Variants in GFRA1 observed in about 807,000 individuals in gnomAD.
The protein encoded by GFRA1 is GDNF family receptor alpha-1.
In GFRA1, 16 loss-of-function variants were observed where a neutral mutation model predicts 51.6. The ratio of observed to expected loss-of-function variants is 0.31; its 90% CI spans 0.21 to 0.47. The LOEUF (loss-of-function observed/expected upper bound fraction) is 0.47, where lower values mean the gene tolerates loss of function less well. Ranked by LOEUF, GFRA1 falls within the 20% of genes least tolerant of loss-of-function variation. GFRA1 has a pLI of 1.00. For synonymous variants in GFRA1, 270 were observed against 241.3 expected (o/e 1.12, Z -1.10); for missense variants, 530 against 594.3 (o/e 0.89, Z 1.13).
rs924541616 is a variant in GFRA1, at chr10:116,089,826, A to C, written c.1112T>G (p.Leu371Arg). The change falls in exon 9 of 11, where the codon CTC (leucine) becomes CGC (arginine). Residue 371 changes from leucine to arginine, a missense_variant. Physicochemically the swap from Leu to Arg is moderately radical, Grantham distance 102. Transcript: ENST00000355422. The stretch of plus-strand genomic sequence containing the variant: ...CCCCAGGGGCTTGTTCTTAACCCGG[A>C]GGGCAGTGGTGGTAGTGGCAGTGGT... ...QTTTATTTTA[L>R]RVKNKPLGPA... 23 of 1,614,042 alleles carry C rather than the reference A, an allele frequency of 1.4e-5. No individual in the cohort carries two copies. In the East Asian group the frequency reaches 4.9e-4, roughly 34 times the overall value.
chr10:116,090,740 T>C (rs966654286), intron 8 of GFRA1, among the ~76,000 whole-genome samples: 1 of 152,008 alleles, frequency 6.6e-6, no homozygotes, highest in Non-Finnish European at 1.5e-5. Flanking sequence ...TTTTTTTTTA[T>C]TTCATATTCA....
intron 4 of GFRA1, among the ~76,000 whole-genome samples, chr10:116,219,027 C>T (rs1965752684): frequency 6.6e-6 from 1 of 152,000 alleles, no homozygotes; most frequent in Admixed American, 6.6e-5. Flanking sequence ...AAAAAAGCCT[C>T]AAAGAATCTT....
intron 8 of GFRA1, among the ~76,000 whole-genome samples, chr10:116,093,236 T>A (rs1020772319): frequency 1.3e-5 from 2 of 152,206 alleles, no homozygotes; most frequent in African/African-American, 2.4e-5. Context: ...ACATTCTAAT[T>A]TTTCTCAGAG....
intron 6 of GFRA1, among the ~76,000 whole-genome samples, chr10:116,115,145 G>A (rs1250397530): frequency 6.6e-6 from 1 of 152,136 alleles, no homozygotes; most frequent in Non-Finnish European, 1.5e-5. Context: ...ATAATTAATT[G>A]CCTTTGGAAA....
chr10:116,206,019 G>C (rs1457415659), intron 5 of GFRA1, among the ~76,000 whole-genome samples: 2 of 151,702 alleles, frequency 1.3e-5, no homozygotes, highest in Non-Finnish European at 2.9e-5. Flanking sequence ...GTTTGTGCCA[G>C]AAAGATGGAT....
At chr10:116,267,576 GA>G (rs1969763215) in intron 4 of GFRA1, among the ~76,000 whole-genome samples, 1 of 152,144 alleles carries the variant, frequency 6.6e-6, no homozygotes, top group African/African-American at 2.4e-5. Flanking sequence ...TGACCATGGA[GA>G]GGTTCATACC....
rs373952837 is a variant in GFRA1, at chr10:116,062,220, C to T, written c.*2178G>A. On this transcript the variant is annotated 3_prime_UTR_variant, in exon 11 of 11. Coordinates refer to ENST00000355422, the MANE Select transcript of GFRA1 (RefSeq NM_005264.8). ...CAGTGGATCACATAGAATCAGATCC[C>T]TATGAAATTAGTCCAGTGTAGATAC... 7.3e-5 allele frequency: 29 copies of T among 398,244 alleles called. No homozygotes were observed. In the South Asian group the frequency reaches 1.2e-3, roughly 16 times the overall value. The allele number at this position is 398,244 out of a possible 1,614,324, so 24.7% of individuals were successfully genotyped here. A position where few individuals can be genotyped will look rare whatever the true frequency, so the allele number is the denominator to read the frequency against.
intron 4 of GFRA1, among the ~76,000 whole-genome samples, chr10:116,252,854 G>C (rs934886688): frequency 6.6e-6 from 1 of 152,182 alleles, no homozygotes; most frequent in Non-Finnish European, 1.5e-5. Context: ...AGGAAACTGA[G>C]GCTTAAAGGT....
chr10:116,156,788 A>C (rs961128989), intron 5 of GFRA1, among the ~76,000 whole-genome samples: 8 of 152,028 alleles, frequency 5.3e-5, no homozygotes, highest in African/African-American at 1.9e-4. Flanking sequence ...ATTAGAGATG[A>C]TATTTCATTG....
chr10:116,191,902 CT>C (rs1173767116), intron 5 of GFRA1, among the ~76,000 whole-genome samples: 1 of 152,146 alleles, frequency 6.6e-6, no homozygotes, highest in Non-Finnish European at 1.5e-5. Flanking sequence ...TGGCAGCCAC[CT>C]GTAATCCCAG....
chr10:116,243,616 A>G (rs1252683807), intron 4 of GFRA1, among the ~76,000 whole-genome samples: 1 of 151,984 alleles, frequency 6.6e-6, no homozygotes, highest in African/African-American at 2.4e-5. Context: ...ATAAGGCAAT[A>G]ATTTTCAACC....
rs1412100088 is a variant in GFRA1 at position 116,118,242 on chromosome 10, C to T, written c.770+6979G>A. 3.3e-5 allele frequency among the ~76,000 whole-genome samples: 5 copies of T among 152,296 alleles called. No individual in the cohort carries two copies. In the South Asian group the frequency reaches 6.2e-4, roughly 19 times the overall value. On this transcript the variant is annotated intron_variant, in intron 6 of 10. Transcript: ENST00000355422. ...TGTTCTTGTGGGACTCTGCGCTCAT[C>T]GCTTCTCATGGGTCAACTGCAAGAG...
chr10:116,081,885 T>C (rs1273830138), intron 9 of GFRA1, among the ~76,000 whole-genome samples: 1 of 152,240 alleles, frequency 6.6e-6, no homozygotes, highest in Non-Finnish European at 1.5e-5. Flanking sequence ...ATTGAACTCA[T>C]GCTTTCACAT....
chr10:116,260,588 C>T (rs1409536671), intron 4 of GFRA1, among the ~76,000 whole-genome samples: 1 of 152,158 alleles, frequency 6.6e-6, no homozygotes, highest in South Asian at 2.1e-4. Flanking sequence ...TCTAAAATCT[C>T]TCCATATACC....
intron 5 of GFRA1, among the ~76,000 whole-genome samples, chr10:116,164,793 G>C (rs1032917938): frequency 6.6e-6 from 1 of 152,120 alleles, no homozygotes; most frequent in African/African-American, 2.4e-5. Flanking sequence ...CGGAGTTTGA[G>C]CCCTGCCAGA....
chr10:116,089,574 G>A (rs554721337), intron 9 of GFRA1, among the ~76,000 whole-genome samples, 167 bp downstream of exon 9: 18 of 152,238 alleles, frequency 1.2e-4, no homozygotes, highest in Non-Finnish European at 1.8e-4. Context: ...TGCACTATAC[G>A]ACAGGTCACA....
At chr10:116,178,150 C>A (rs1444096615) in intron 5 of GFRA1, among the ~76,000 whole-genome samples, 1 of 152,184 alleles carries the variant, frequency 6.6e-6, no homozygotes, top group African/African-American at 2.4e-5. Flanking sequence ...ACATGCAGAT[C>A]TTGTTTGGGC....
chr10:116,230,840 A>G (rs965814158), intron 4 of GFRA1, among the ~76,000 whole-genome samples: 29 of 152,210 alleles, frequency 1.9e-4, no homozygotes, highest in African/African-American at 6.5e-4. Flanking sequence ...AATTATTTCA[A>G]TAAGTTCCAG....
intron 5 of GFRA1, among the ~76,000 whole-genome samples, chr10:116,131,021 G>A (rs908044139): frequency 2.0e-5 from 3 of 152,138 alleles, no homozygotes; most frequent in African/African-American, 4.8e-5. Context: ...CAAAACATAC[G>A]TCTGACAAAG....
Sources: gnomAD v4.1 joint callset for allele counts (sites outside exome capture counted in the v4.1 genomes callset) on GRCh38, gnomAD v4.1.1 for gene constraint, MANE v1.5 for transcripts, NCBI Gene and HGNC (gene_info 2026-07-23, HGNC 2026-07-21) for gene names.